SLC16A4: variants seen among roughly 807,000 people sequenced by gnomAD.
SLC16A4 encodes the protein solute carrier family 16 member 4.
SLC16A4 carries 39 observed loss-of-function variants against 47.9 expected under a neutral mutation model. That is an observed-to-expected ratio of 0.81 (90% CI 0.63 to 1.06). SLC16A4 has a LOEUF of 1.06. Ranked by LOEUF, SLC16A4 falls within the 50% of genes least tolerant of loss-of-function variation. The pLI is 0.00. For synonymous variants in SLC16A4, 189 were observed against 199.9 expected (o/e 0.95, Z 0.46); for missense variants, 524 against 573.8 (o/e 0.91, Z 0.89).
chr1:110,381,820 T>C (rs1230685467), intron 3 of SLC16A4, 25 bp from the exon 4 acceptor site: 1 of 1,603,132 alleles, frequency 6.2e-7, no homozygotes, highest in East Asian at 2.2e-5. Context: ...GAAAGGCAAT[T>C]CTTAGGTAAA....
chr1:110,382,191 G>A (rs1034820926), intron 3 of SLC16A4, among the ~76,000 whole-genome samples: 16 of 152,210 alleles, frequency 1.1e-4, no homozygotes, highest in African/African-American at 3.6e-4. Context: ...GAGGCTGGAC[G>A]CCGTGGCTCT....
At chr1:110,381,525 T>C (rs758936512) in intron 4 of SLC16A4, 127 bp downstream of exon 4, 212 of 867,586 alleles carry the variant, frequency 2.4e-4, no homozygotes, top group Admixed American at 1.6e-4. Flanking sequence ...GGTTTCACCA[T>C]GTTGCCCAGG....
intron 2 of SLC16A4, among the ~76,000 whole-genome samples, chr1:110,385,007 T>C (rs183600276): frequency 2.6e-5 from 4 of 152,258 alleles, no homozygotes; most frequent in African/African-American, 9.6e-5. Context: ...TGAGACCTTG[T>C]CTCAAAATTA....
chr1:110,380,075 C>CAAA (rs1662284808), intron 5 of SLC16A4, among the ~76,000 whole-genome samples: 5 of 79,750 alleles, frequency 6.3e-5, no homozygotes, highest in African/African-American at 9.9e-5. Context: ...AAAAAAAAAG[C>CAAA]AGCGGGAGGG....
intron 7 of SLC16A4, among the ~76,000 whole-genome samples, chr1:110,376,720 CT>C (rs149758803): frequency 6.6e-6 from 1 of 150,410 alleles, no homozygotes; most frequent in Non-Finnish European, 1.5e-5. Context: ...CTGCTGATCC[CT>C]TTTTTGCTTT....
intron 8 of SLC16A4, among the ~76,000 whole-genome samples, chr1:110,368,314 C>A (rs1195969322): frequency 1.3e-5 from 2 of 152,152 alleles, no homozygotes; most frequent in East Asian, 3.8e-4. Context: ...GGATAATGTG[C>A]ATGTATCTGA....
intron 8 of SLC16A4, among the ~76,000 whole-genome samples, chr1:110,364,518 T>G (rs1243423175): frequency 6.7e-6 from 1 of 149,620 alleles, no homozygotes; most frequent in Non-Finnish European, 1.5e-5. Context: ...TTTTTTTTTT[T>G]TTGAGACAGA....
chr1:110,363,889 C>A lies in SLC16A4; in HGVS notation c.1341G>T (p.Trp447Cys), dbSNP rs369318375. The A allele has an allele frequency of 6.2e-7, 1 of 1,605,364 alleles. No individual in the cohort carries two copies. The highest frequency in any genetic ancestry group is 8.5e-7 in the Non-Finnish European group (1 of 1,176,798). The change falls in exon 9 of 9, where the codon TGG becomes TGT. Residue 447 changes from tryptophan (W) to cysteine (C), a missense_variant. Transcript: ENST00000369779. ...AVLSGPPIAG[W>C]LYDYTQTYNG... ...TGTATGTCTGGGTATAATCATATAA[C>A]CAGCCTGGAAGGAAGGAATGATTTC...
chr1:110,363,897 G>A lies in SLC16A4; in HGVS notation c.1337-4C>T. 1 of 1,596,098 alleles carries A rather than the reference G, an allele frequency of 6.3e-7. No homozygotes were observed. Among genetic ancestry groups the A allele is most frequent in the Non-Finnish European group, 8.5e-7 (1 of 1,173,964 alleles). ...TGGGTATAATCATATAACCAGCCTG[G>A]AAGGAAGGAATGATTTCTGTTAGGG... On this transcript the variant is annotated splice_polypyrimidine_tract_variant and splice_region_variant and intron_variant, in intron 8 of 8. Transcript: ENST00000369779.
At chr1:110,390,323 G>A (rs960176451) in intron 1 of SLC16A4, among the ~76,000 whole-genome samples, 6 of 152,178 alleles carry the variant, frequency 3.9e-5, no homozygotes, top group South Asian at 2.1e-4. Flanking sequence ...AAGGGAAGGC[G>A]AGCCTTGAGT....
chr1:110,378,290 A>G (rs1432886801), intron 6 of SLC16A4, among the ~76,000 whole-genome samples: 1 of 152,238 alleles, frequency 6.6e-6, no homozygotes, highest in Non-Finnish European at 1.5e-5. Context: ...ACTACAGGCC[A>G]GGCACTATTC....
At chr1:110,378,030 C>T (rs1319444986) in intron 6 of SLC16A4, among the ~76,000 whole-genome samples, 1 of 152,096 alleles carries the variant, frequency 6.6e-6, no homozygotes, top group Non-Finnish European at 1.5e-5. Flanking sequence ...GGGGTTTCAC[C>T]ACGTTAGCTA....
chr1:110,387,771 G>T (rs1412486201), intron 2 of SLC16A4, among the ~76,000 whole-genome samples: 1 of 52,146 alleles, frequency 1.9e-5, no homozygotes, highest in African/African-American at 7.8e-5. Flanking sequence ...CCAGCCCCAG[G>T]AAGGGCTCTC....
intron 8 of SLC16A4, 133 bp from the exon 9 acceptor site, chr1:110,364,026 C>T: frequency 3.6e-6 from 3 of 835,276 alleles, no homozygotes; most frequent in Non-Finnish European, 5.1e-6. Flanking sequence ...TCTTAGCTGC[C>T]CTATTTTTCA....
intron 8 of SLC16A4, among the ~76,000 whole-genome samples, chr1:110,374,348 C>T (rs1661865144): frequency 6.6e-6 from 1 of 152,166 alleles, no homozygotes; most frequent in South Asian, 2.1e-4. Context: ...GCCCCTTTCT[C>T]AGTCTTAAGA....
chr1:110,363,805 A>G lies in SLC16A4; in HGVS notation c.1425T>C (p.Phe475=), dbSNP rs1237594522. The G allele has an allele frequency of 1.3e-6, 2 of 1,568,470 alleles. No homozygotes were observed. The highest frequency in any genetic ancestry group is 2.7e-5 in the African/African-American group (2 of 73,144). Residue 475 remains phenylalanine, a synonymous_variant, in exon 9 of 9, where the codon TTT becomes TTC. Transcript: ENST00000369779. ...CYLLSSVSFF[F]VPLAERWKNS... is the part of the protein sequence containing the mutation. The stretch of plus-strand genomic sequence containing the variant: ...TTTTCCATCTTTCGGCCAATGGTAC[A>G]AAAAAAAAGGAAACTGAAGAGAGGA...
intron 8 of SLC16A4, among the ~76,000 whole-genome samples, chr1:110,365,318 G>A (rs1661322559): frequency 6.6e-6 from 1 of 151,744 alleles, no homozygotes; most frequent in Admixed American, 6.6e-5. Context: ...CTTCTGGTCT[G>A]CTTGTTTCAT....
At chr1:110,363,994 C>G (rs1661226665) in intron 8 of SLC16A4, 101 bp from the exon 9 acceptor site, 1 of 1,230,762 alleles carries the variant, frequency 8.1e-7, no homozygotes, top group South Asian at 2.1e-5. Flanking sequence ...TGTATTGTGA[C>G]CCATTTGAAC....
At chr1:110,376,826 C>T (rs1662030890) in intron 7 of SLC16A4, 124 bp downstream of exon 7, 1 of 809,062 alleles carries the variant, frequency 1.2e-6, no homozygotes, top group Non-Finnish European at 1.9e-6. Context: ...TGCAGAGTTT[C>T]TAAGGTCTTT....
Sources: gnomAD v4.1 joint callset for allele counts (sites outside exome capture counted in the v4.1 genomes callset) on GRCh38, gnomAD v4.1.1 for gene constraint, MANE v1.5 for transcripts, NCBI Gene and HGNC (gene_info 2026-07-23, HGNC 2026-07-21) for gene names.